GLI2: variants seen among roughly 807,000 people sequenced by gnomAD.
GLI2 encodes the protein GLI family zinc finger 2, also known as transcription activator GLI2.
In GLI2, 22 loss-of-function variants were observed where a neutral mutation model predicts 78.9. The ratio of observed to expected loss-of-function variants is 0.28; its 90% confidence interval spans 0.20 to 0.40. The LOEUF (loss-of-function observed/expected upper bound fraction) is 0.40. GLI2 is among the 10% of genes least tolerant of loss of function. The pLI, the probability that GLI2 is intolerant of heterozygous loss-of-function variation, is 1.00. For missense variants in GLI2, 2,097 were observed against 2,213.2 expected (o/e 0.95, Z 1.05); for synonymous variants, 974 against 963.7 (o/e 1.01, Z -0.20).
chr2:120,828,439 C>G (rs1034850346), intron 2 of GLI2, among the ~76,000 whole-genome samples: 5 of 152,172 alleles, frequency 3.3e-5, no homozygotes, highest in African/African-American at 1.2e-4. Context: ...ATTTTTTTCT[C>G]CTCTGTGAAA....
At chr2:120,781,818 G>A (rs1189898237) in intron 1 of GLI2, among the ~76,000 whole-genome samples, 1 of 151,962 alleles carries the variant, frequency 6.6e-6, no homozygotes, top group East Asian at 1.9e-4. Context: ...GGGAGGCAGA[G>A]GTTGTAGTGA....
chr2:120,972,772 G>A, intron 8 of GLI2: 1 of 486,804 alleles, frequency 2.1e-6, no homozygotes, highest in East Asian at 6.0e-5. Flanking sequence ...TTCAAGCGGG[G>A]AGAGAAGAGC....
intron 2 of GLI2, among the ~76,000 whole-genome samples, chr2:120,878,518 C>T (rs938800206): frequency 2.0e-5 from 3 of 152,076 alleles, no homozygotes; most frequent in African/African-American, 7.2e-5. Context: ...ATCTTAATGA[C>T]ATAGTACAAT....
chr2:120,785,481 G>A (rs866414005), intron 1 of GLI2, among the ~76,000 whole-genome samples: 1 of 152,172 alleles, frequency 6.6e-6, no homozygotes, highest in South Asian at 2.1e-4. Flanking sequence ...TGGGAGGTGT[G>A]GGGAGGGCTG....
At chr2:120,776,208 A>T (rs952187761) in intron 1 of GLI2, among the ~76,000 whole-genome samples, 9 of 152,216 alleles carry the variant, frequency 5.9e-5, no homozygotes, top group Admixed American at 6.5e-5. Flanking sequence ...GACACATTTA[A>T]TCTTCGCAGC....
intron 8 of GLI2, 115 bp from the exon 9 acceptor site, chr2:120,974,860 A>T: frequency 6.8e-7 from 1 of 1,462,306 alleles, no homozygotes; most frequent in South Asian, 1.1e-5. Flanking sequence ...ACTTGCATCC[A>T]CACCTGTAAC....
chr2:120,816,020 A>G (rs981504363), intron 2 of GLI2, among the ~76,000 whole-genome samples: 1 of 152,072 alleles, frequency 6.6e-6, no homozygotes, highest in Non-Finnish European at 1.5e-5. Flanking sequence ...CCTTGGAACT[A>G]TATCCACTCC....
At chr2:120,946,983 C>T (rs553653133) in intron 3 of GLI2, among the ~76,000 whole-genome samples, 34 of 152,332 alleles carry the variant, frequency 2.2e-4, no homozygotes, top group Admixed American at 6.5e-4. Context: ...GGATCCTTAG[C>T]GGTCATCACA....
intron 2 of GLI2, among the ~76,000 whole-genome samples, chr2:120,895,938 A>C (rs753296156): frequency 6.6e-6 from 1 of 152,084 alleles, no homozygotes; most frequent in African/African-American, 2.4e-5. Flanking sequence ...CATTAGAGCT[A>C]TTTCTTGCTC....
chr2:120,766,704 G>C (rs79668829), intron 1 of GLI2, among the ~76,000 whole-genome samples: 1,810 of 152,288 alleles, frequency 0.012, 25 homozygotes, highest in African/African-American at 0.041. Context: ...CTGTAAACTA[G>C]GGACATAATG....
chr2:120,971,226 A>T (rs1054741388), intron 7 of GLI2, among the ~76,000 whole-genome samples: 5 of 152,208 alleles, frequency 3.3e-5, no homozygotes, highest in African/African-American at 1.2e-4. Context: ...CCTGATGCCT[A>T]GGTGGGGTCA....
At position 120,945,885 on chromosome 2, in the gene GLI2, G is replaced by A. The variant is rs371510866; in HGVS notation, c.255-5358G>A. Among the ~76,000 whole-genome samples the A allele has an allele frequency of 2.9e-4, 44 of 151,590 alleles. 1 individual carries two copies. The East Asian group carries it at 6.9e-3, about 24-fold the overall frequency. Reference sequence around the variant, plus strand: ...TGTCCCCTGCCCAGAGCAGCAGAAAGGAAGTGGGTTCAATATAGACCCAGC... The same window carrying A: ...TGTCCCCTGCCCAGAGCAGCAGAAAAGAAGTGGGTTCAATATAGACCCAGC... On this transcript the variant is annotated intron_variant, in intron 3 of 13. Transcript: ENST00000361492.
intron 2 of GLI2, among the ~76,000 whole-genome samples, chr2:120,907,595 C>A (rs767926957): frequency 6.6e-6 from 1 of 152,216 alleles, no homozygotes; most frequent in Non-Finnish European, 1.5e-5. Flanking sequence ...GCATCTTCCT[C>A]GCCAGCCAGT....
At chr2:120,766,369 G>A (rs1488347502) in intron 1 of GLI2, among the ~76,000 whole-genome samples, 1 of 152,214 alleles carries the variant, frequency 6.6e-6, no homozygotes, top group Non-Finnish European at 1.5e-5. Flanking sequence ...ACGCCCCTGG[G>A]GCTGACCCTA....
intron 1 of GLI2, among the ~76,000 whole-genome samples, chr2:120,748,573 C>T (rs551692286): frequency 1.3e-5 from 2 of 152,252 alleles, no homozygotes; most frequent in Non-Finnish European, 2.9e-5. Flanking sequence ...TTGTGGTCCC[C>T]CCGGATGACT....
At chr2:120,977,645 G>C (rs1422225885) in intron 9 of GLI2, among the ~76,000 whole-genome samples, 2 of 152,242 alleles carry the variant, frequency 1.3e-5, no homozygotes, top group Non-Finnish European at 2.9e-5. Flanking sequence ...CTCGCCACCA[G>C]GCTGGGGAAG....
At position 120,780,643 on chromosome 2, in the gene GLI2, C is replaced by T. The variant is rs183895440; in HGVS notation, c.-30-16648C>T. Among the ~76,000 whole-genome samples the T allele has an allele frequency of 7.2e-3, 1,100 of 152,300 alleles. 14 individuals are homozygous for T. Among genetic ancestry groups the T allele is most frequent in the Non-Finnish European group, 7.4e-3 (503 of 68,018 alleles). On this transcript the variant is annotated intron_variant, in intron 1 of 13. Coordinates refer to ENST00000361492, the MANE Select transcript of GLI2 (RefSeq NM_001374353.1). ...GGGTGTCCTATTCAATAGATGGTATCACTGTCCACTACACTACAGACACAG... is the reference window on the plus strand; with the variant it reads ...GGGTGTCCTATTCAATAGATGGTATTACTGTCCACTACACTACAGACACAG...
At chr2:120,853,064 G>A (rs565977255) in intron 2 of GLI2, among the ~76,000 whole-genome samples, 7 of 152,312 alleles carry the variant, frequency 4.6e-5, no homozygotes, top group Admixed American at 2.0e-4. Context: ...GATCGCTCAG[G>A]AGACAGTAGA....
At chr2:120,839,415 A>G (rs899265926) in intron 2 of GLI2, among the ~76,000 whole-genome samples, 1 of 152,170 alleles carries the variant, frequency 6.6e-6, no homozygotes, top group African/African-American at 2.4e-5. Flanking sequence ...TCATTCAACC[A>G]ATCAATCTAC....
Sources: gnomAD v4.1 joint callset for allele counts (sites outside exome capture counted in the v4.1 genomes callset) on GRCh38, gnomAD v4.1.1 for gene constraint, MANE v1.5 for transcripts, NCBI Gene and HGNC (gene_info 2026-07-23, HGNC 2026-07-21) for gene names.